The following CLSTN2 variants were observed in gnomAD, a reference collection of about 807,000 sequenced individuals.
CLSTN2 encodes the protein calsyntenin 2, also known as calsyntenin-2.
CLSTN2 carries 48 observed loss-of-function variants against 101.2 expected under a neutral mutation model. The ratio of observed to expected loss-of-function variants is 0.47; its 90% CI spans 0.38 to 0.60. The LOEUF is 0.60. Ranked by LOEUF, CLSTN2 falls within the 20% of genes least tolerant of loss-of-function variation. CLSTN2 has a pLI of 0.00. For synonymous variants in CLSTN2, 481 were observed against 463.6 expected, an observed-to-expected ratio of 1.04 and a Z score of -0.48; for missense variants, 1,160 against 1,238.2, an observed-to-expected ratio of 0.94 and a Z score of 0.95.
intron 7 of CLSTN2, among the ~76,000 whole-genome samples, chr3:140,465,061 A>T (rs1463869321): frequency 2.0e-5 from 3 of 152,140 alleles, no homozygotes; most frequent in African/African-American, 7.2e-5. Context: ...TCATTGTATC[A>T]ATTAAGAGGC....
chr3:140,550,755 A>G (rs1935685792), intron 10 of CLSTN2, among the ~76,000 whole-genome samples: 1 of 151,678 alleles, frequency 6.6e-6, no homozygotes, highest in Admixed American at 6.5e-5. Flanking sequence ...GTGCTAAAAT[A>G]AGTGGCACAA....
At chr3:140,551,807 A>G (rs1232191431) in intron 10 of CLSTN2, among the ~76,000 whole-genome samples, 1 of 148,260 alleles carries the variant, frequency 6.7e-6, no homozygotes. Context: ...TATATATTAC[A>G]TATAAATATA....
intron 5 of CLSTN2, among the ~76,000 whole-genome samples, chr3:140,440,336 G>A (rs752863943): frequency 5.9e-5 from 9 of 152,226 alleles, no homozygotes; most frequent in African/African-American, 2.2e-4. Context: ...GGAATTAAAA[G>A]GTAATAAAAT....
chr3:140,197,361 A>G lies in CLSTN2; in HGVS notation c.232+21288A>G, dbSNP rs76486819. Among the ~76,000 whole-genome samples the G allele has an allele frequency of 9.3e-3, 1,413 of 152,322 alleles. 21 individuals carry two copies. Among genetic ancestry groups the G allele is most frequent in the African/African-American group, 0.032 (1,346 of 41,570 alleles). On this transcript the variant is annotated intron_variant, in intron 2 of 16. Transcript: ENST00000458420. ...GTGCCTGGTGCTGTACTGGGGGACT[A>G]TACATATATGTGAATCTAAATAAAA... is the stretch of plus-strand genomic sequence containing the variant.
At chr3:140,048,236 T>C (rs563881569) in intron 1 of CLSTN2, among the ~76,000 whole-genome samples, 1 of 152,202 alleles carries the variant, frequency 6.6e-6, no homozygotes, top group Non-Finnish European at 1.5e-5. Context: ...TAAAACAATC[T>C]CTAGTGTAAA....
At chr3:140,051,475 CG>C (rs953495217) in intron 1 of CLSTN2, among the ~76,000 whole-genome samples, 6 of 152,154 alleles carry the variant, frequency 3.9e-5, no homozygotes, top group African/African-American at 1.4e-4. Context: ...ATTCTTACCC[CG>C]CCTGCACCCT....
At chr3:140,466,789 A>G (rs999117796) in intron 8 of CLSTN2, 58 bp downstream of exon 8, 2 of 1,607,998 alleles carry the variant, frequency 1.2e-6, no homozygotes, top group South Asian at 1.1e-5. Context: ...TGGCCAGTCC[A>G]ATCCAATGGT....
At chr3:140,522,637 C>G (rs1026840809) in intron 8 of CLSTN2, among the ~76,000 whole-genome samples, 1 of 152,180 alleles carries the variant, frequency 6.6e-6, no homozygotes, top group Admixed American at 6.5e-5. Flanking sequence ...CCGCTAGAGC[C>G]CAACCTCACC....
At chr3:139,959,458 C>T (rs776467898) in intron 1 of CLSTN2, among the ~76,000 whole-genome samples, 27 of 152,152 alleles carry the variant, frequency 1.8e-4, no homozygotes, top group Non-Finnish European at 3.1e-4. Context: ...CATTGTTTCT[C>T]TTTTCCACAT....
chr3:140,195,024 T>C (rs373000433), intron 2 of CLSTN2, among the ~76,000 whole-genome samples: 1 of 152,156 alleles, frequency 6.6e-6, no homozygotes, highest in Non-Finnish European at 1.5e-5. Context: ...GGGATGAAAG[T>C]TCTAGCTTCC....
chr3:140,125,634 C>T lies in CLSTN2; in HGVS notation c.110-50317C>T, dbSNP rs76209816. Among the ~76,000 whole-genome samples the T allele has an allele frequency of 6.5e-3, 991 of 152,120 alleles. 6 individuals are homozygous for T. The highest frequency in any genetic ancestry group is 0.014 in the Admixed American group (216 of 15,280). ...ACTAATCACATGGGGAGTGAGACAG[C>T]AAATTTACTGGGGAAATATAATAGT... On this transcript the variant is annotated intron_variant, in intron 1 of 16. Coordinates refer to ENST00000458420, the MANE Select transcript of CLSTN2 (RefSeq NM_022131.3).
intron 1 of CLSTN2, among the ~76,000 whole-genome samples, chr3:140,160,836 T>G (rs1033678851): frequency 6.6e-6 from 1 of 152,118 alleles, no homozygotes; most frequent in African/African-American, 2.4e-5. Flanking sequence ...GAACGCTTGG[T>G]GGGGAGTCCC....
At chr3:140,154,402 A>G (rs148248667) in intron 1 of CLSTN2, among the ~76,000 whole-genome samples, 1 of 152,104 alleles carries the variant, frequency 6.6e-6, no homozygotes, top group Non-Finnish European at 1.5e-5. Flanking sequence ...AGGAGTGGGT[A>G]TAATAAACCA....
At chr3:140,562,733 C>G in intron 13 of CLSTN2, 78 bp from the exon 14 acceptor site, 2 of 1,500,496 alleles carry the variant, frequency 1.3e-6, no homozygotes, top group Non-Finnish European at 1.8e-6. Flanking sequence ...TCTTGTACCA[C>G]AAGCCCTGGC....
At chr3:140,341,334 A>G (rs1416601970) in intron 2 of CLSTN2, among the ~76,000 whole-genome samples, 2 of 152,186 alleles carry the variant, frequency 1.3e-5, no homozygotes, top group African/African-American at 4.8e-5. Context: ...GAATTTGGCC[A>G]CTGGCCTTGA....
At chr3:140,109,688 T>C (rs1032416218) in intron 1 of CLSTN2, among the ~76,000 whole-genome samples, 2 of 152,152 alleles carry the variant, frequency 1.3e-5, no homozygotes, top group African/African-American at 4.8e-5. Flanking sequence ...CTAAGGAAGT[T>C]CCCAGGGTTG....
At chr3:140,262,715 T>C (rs7431715) in intron 2 of CLSTN2, among the ~76,000 whole-genome samples, 82,870 of 151,948 alleles carry the variant, frequency 0.55, 24,906 homozygotes, top group East Asian at 0.96. Flanking sequence ...ACCTTTGGTA[T>C]GGCCATGAGA....
At chr3:139,972,223 C>T (rs1560058072) in intron 1 of CLSTN2, among the ~76,000 whole-genome samples, 1 of 151,972 alleles carries the variant, frequency 6.6e-6, no homozygotes, top group Admixed American at 6.6e-5. Context: ...AAGATCGCAC[C>T]ACTGCACTCC....
intron 1 of CLSTN2, among the ~76,000 whole-genome samples, chr3:140,135,087 A>ACAC (rs1553801553): frequency 0.032 from 1,641 of 50,836 alleles, 187 homozygotes; most frequent in East Asian, 0.08. Context: ...CTCTCAAAAA[A>ACAC]ACACACACAC....
Sources: gnomAD v4.1 joint callset for allele counts (sites outside exome capture counted in the v4.1 genomes callset) on GRCh38, gnomAD v4.1.1 for gene constraint, MANE v1.5 for transcripts, NCBI Gene and HGNC (gene_info 2026-07-23, HGNC 2026-07-21) for gene names.